EDIL3: variants seen among roughly 807,000 people sequenced by gnomAD.
EDIL3 encodes EGF-like repeat and discoidin I-like domain-containing protein 3.
EDIL3 carries 37 observed loss-of-function variants against 67.4 expected under a neutral mutation model. That is an observed-to-expected ratio of 0.55 (90% CI 0.42 to 0.72). EDIL3 has a LOEUF of 0.72. Among genes scored for constraint, EDIL3 ranks in the 30% least tolerant of loss-of-function variants. The pLI, the probability that EDIL3 is intolerant of heterozygous loss-of-function variation, is 0.00. For synonymous variants in EDIL3, 195 were observed against 196.3 expected (o/e 0.99, Z 0.05); for missense variants, 527 against 586.3 (o/e 0.90, Z 1.04).
intron 2 of EDIL3, among the ~76,000 whole-genome samples, chr5:84,236,033 G>A (rs1454351000): frequency 2.0e-5 from 3 of 151,848 alleles, no homozygotes; most frequent in Non-Finnish European, 4.4e-5. Context: ...TGGTGATATA[G>A]TTTACATGGG....
intron 8 of EDIL3, among the ~76,000 whole-genome samples, chr5:84,061,952 T>C (rs535122533): frequency 1.4e-4 from 21 of 152,116 alleles, no homozygotes; most frequent in Non-Finnish European, 2.5e-4. Context: ...CTATAACTAA[T>C]TGCCTTCTGT....
intron 5 of EDIL3, among the ~76,000 whole-genome samples, chr5:84,119,358 G>A (rs1160999802): frequency 6.6e-6 from 1 of 151,136 alleles, no homozygotes; most frequent in East Asian, 2.0e-4. Flanking sequence ...TACCAAAAAT[G>A]ATTCAAACTA....
At chr5:84,192,151 A>G (rs1180841683) in intron 3 of EDIL3, among the ~76,000 whole-genome samples, 1 of 151,744 alleles carries the variant, frequency 6.6e-6, no homozygotes, top group Non-Finnish European at 1.5e-5. Context: ...TTGCAAAATC[A>G]TAAGATTTTT....
chr5:84,212,829 T>C (rs938302179), intron 3 of EDIL3, among the ~76,000 whole-genome samples: 2 of 152,092 alleles, frequency 1.3e-5, no homozygotes, highest in African/African-American at 4.8e-5. Context: ...ACAGGTTTCA[T>C]GGAGGGAAAG....
intron 9 of EDIL3, among the ~76,000 whole-genome samples, chr5:84,046,704 A>G (rs1484730994): frequency 1.3e-5 from 2 of 152,204 alleles, no homozygotes; most frequent in Admixed American, 1.3e-4. Context: ...TATTTTTAGA[A>G]GAGAATGGTT....
At chr5:84,267,954 T>C (rs944140848) in intron 1 of EDIL3, among the ~76,000 whole-genome samples, 8 of 152,044 alleles carry the variant, frequency 5.3e-5, no homozygotes, top group African/African-American at 1.9e-4. Flanking sequence ...CTGGGCAACA[T>C]GTTGAAACCC....
At chr5:83,966,438 A>G (rs1423717560) in intron 9 of EDIL3, among the ~76,000 whole-genome samples, 1 of 152,050 alleles carries the variant, frequency 6.6e-6, no homozygotes, top group Admixed American at 6.6e-5. Context: ...TAGTTTTTCT[A>G]TGAGGATTTT....
At position 84,064,785 on chromosome 5, in the gene EDIL3, T is replaced by C. The variant is rs754832124; in HGVS notation, c.867A>G (p.Ile289Met). The C allele has an allele frequency of 2.5e-6, 4 of 1,613,972 alleles. No homozygotes were observed. The highest frequency in any genetic ancestry group is 3.3e-5 in the Admixed American group (2 of 60,012). The change falls in exon 8 of 11, where the codon ATA becomes ATG. Residue 289 changes from isoleucine (I) to methionine (M), a missense_variant. Physicochemically the swap from Ile to Met is conservative, Grantham distance 10. Transcript: ENST00000296591. ...GATAGAGTCTTACATACTGAGCTTT[T>C]ATGGGGGGTGTGAAAGAGTTAGCAT... Reference protein sequence around the residue: ...TPYANSFTPPIKAQYVRLYPQ... With the variant: ...TPYANSFTPPMKAQYVRLYPQ...
At chr5:84,381,502 G>A (rs305659) in intron 1 of EDIL3, among the ~76,000 whole-genome samples, 39,803 of 151,998 alleles carry the variant, frequency 0.26, 5,577 homozygotes, top group African/African-American at 0.37. Context: ...CTGTATAAAT[G>A]TAACTATACT....
chr5:84,013,518 G>A (rs1247207469), intron 9 of EDIL3, among the ~76,000 whole-genome samples: 1 of 152,154 alleles, frequency 6.6e-6, no homozygotes, highest in Non-Finnish European at 1.5e-5. Context: ...TGTGAGTGAT[G>A]TTTGTTAATA....
chr5:84,383,847 G>T (rs912049686), intron 1 of EDIL3, among the ~76,000 whole-genome samples: 2 of 152,148 alleles, frequency 1.3e-5, no homozygotes, highest in Non-Finnish European at 2.9e-5. Flanking sequence ...GCACCCGGGG[G>T]CGGACGGCCC....
intron 6 of EDIL3, among the ~76,000 whole-genome samples, chr5:84,098,039 G>T (rs1200231730): frequency 6.6e-6 from 1 of 150,798 alleles, no homozygotes; most frequent in Non-Finnish European, 1.5e-5. Context: ...TAATGTAGTG[G>T]TTAATTATTA....
At position 84,077,851 on chromosome 5, in the gene EDIL3, C is replaced by T. The variant is rs553716307; in HGVS notation, c.652-11245G>A. On this transcript the variant is annotated intron_variant, in intron 6 of 10. Transcript: ENST00000296591. Reference sequence around the variant, plus strand: ...CTTCTTTTCTTCTTTCTTTTTCTTCCTCTTTTTTTTTTGCAAATCACATAG... The same window carrying T: ...CTTCTTTTCTTCTTTCTTTTTCTTCTTCTTTTTTTTTTGCAAATCACATAG... 1.2e-4 allele frequency among the ~76,000 whole-genome samples: 17 copies of T among 140,830 alleles called. No individual in the cohort carries two copies. In the South Asian group the frequency reaches 3.2e-3, roughly 26 times the overall value. 92.4% of individuals were successfully genotyped at this position (140,830 alleles called of 152,430 possible).
At chr5:84,296,761 G>C (rs747943920) in intron 1 of EDIL3, among the ~76,000 whole-genome samples, 1 of 152,110 alleles carries the variant, frequency 6.6e-6, no homozygotes. Flanking sequence ...GTATTGCTTA[G>C]AGCAAAAGAA....
intron 6 of EDIL3, among the ~76,000 whole-genome samples, chr5:84,076,070 C>A (rs1290918213): frequency 6.6e-6 from 1 of 151,292 alleles, no homozygotes; most frequent in Admixed American, 6.6e-5. Flanking sequence ...ATTAACACTA[C>A]ATTTTTATGA....
chr5:84,048,238 G>T, intron 9 of EDIL3: 1 of 443,124 alleles, frequency 2.3e-6, no homozygotes, highest in Non-Finnish European at 4.5e-6. Flanking sequence ...TGGCCTGGTG[G>T]TCACTTAATT....
intron 5 of EDIL3, among the ~76,000 whole-genome samples, chr5:84,117,032 T>A (rs905761939): frequency 2.2e-5 from 3 of 134,910 alleles, no homozygotes; most frequent in Non-Finnish European, 3.1e-5. Flanking sequence ...TTTTTTTTTT[T>A]TTTTTTTTTT....
At chr5:84,176,809 T>C (rs1372242817) in intron 4 of EDIL3, among the ~76,000 whole-genome samples, 1 of 113,428 alleles carries the variant, frequency 8.8e-6, no homozygotes, top group African/African-American at 2.7e-5. Context: ...CACATTCTTC[T>C]ATGATATATA....
chr5:83,987,162 C>T (rs1745070392), intron 9 of EDIL3, among the ~76,000 whole-genome samples: 1 of 152,094 alleles, frequency 6.6e-6, no homozygotes, highest in African/African-American at 2.4e-5. Context: ...TAGCACCATG[C>T]TTCTGTTTTT....
Sources: gnomAD v4.1 joint callset for allele counts (sites outside exome capture counted in the v4.1 genomes callset) on GRCh38, gnomAD v4.1.1 for gene constraint, MANE v1.5 for transcripts, NCBI Gene and HGNC (gene_info 2026-07-23, HGNC 2026-07-21) for gene names.